The following PPEF1 variants were observed in gnomAD, a reference collection of about 807,000 sequenced individuals.
The protein encoded by PPEF1 is protein phosphatase with EF-hand domain 1.
A neutral mutation model predicts 53.3 loss-of-function variants in PPEF1; 12 were observed. The observed-to-expected ratio is 0.23, with a 90% CI of 0.14 to 0.36. PPEF1 has a LOEUF of 0.36. Among genes scored for constraint, PPEF1 ranks in the 10% least tolerant of loss-of-function variants. The pLI is 1.00. For synonymous variants in PPEF1, 165 were observed against 176.7 expected, an observed-to-expected ratio of 0.93 and a Z score of 0.52; for missense variants, 334 against 490.4, an observed-to-expected ratio of 0.68 and a Z score of 3.01.
At chrX:18,822,509 ATTTC>A (rs999082443) in intron 13 of PPEF1, among the ~76,000 whole-genome samples, 1 of 107,991 alleles carries the variant, frequency 9.3e-6, no homozygotes, top group South Asian at 4.0e-4. Context: ...GAGGTATGAG[ATTTC>A]TTTTTTTTTT....
intron 10 of PPEF1, among the ~76,000 whole-genome samples, chrX:18,799,804 A>G (rs2046513934): frequency 8.9e-6 from 1 of 111,870 alleles, no homozygotes; most frequent in South Asian, 3.7e-4. Context: ...GATCACCCCA[A>G]GGATCCTGCA....
At chrX:18,806,106 A>G (rs1200921229) in intron 11 of PPEF1, among the ~76,000 whole-genome samples, 1 of 111,335 alleles carries the variant, frequency 9.0e-6, no homozygotes, top group Non-Finnish European at 1.9e-5. Flanking sequence ...AGAATTTGCA[A>G]AATCAAACAT....
At chrX:18,707,622 C>T (rs1033146083), upstream of PPEF1, 4 of 428,918 alleles carry the variant, frequency 9.3e-6, no homozygotes, top group East Asian at 4.0e-5. Flanking sequence ...GGTTAACTGG[C>T]GGTTTCCTTC....
At chrX:18,743,263 T>G (rs2045227930) in intron 3 of PPEF1, among the ~76,000 whole-genome samples, 1 of 111,115 alleles carries the variant, frequency 9.0e-6, no homozygotes, top group East Asian at 2.8e-4. Context: ...ACAGGATGGT[T>G]GTAACAAGCT....
intron 3 of PPEF1, among the ~76,000 whole-genome samples, chrX:18,742,245 T>C (rs777026941): frequency 8.9e-6 from 1 of 112,235 alleles, no homozygotes; most frequent in South Asian, 3.7e-4. Context: ...TGTTTTCAGA[T>C]TGGTGATTTA....
chrX:18,745,103 T>TTATATAATTATATTATATATA (rs2045293438), intron 3 of PPEF1, among the ~76,000 whole-genome samples: 1 of 96,283 alleles, frequency 1.0e-5, no homozygotes, highest in African/African-American at 3.8e-5. Context: ...ATATTATATA[T>TTATATAATTATATTATATATA]TATATAATTA....
chrX:18,763,241 G>T (rs186451012), intron 6 of PPEF1, among the ~76,000 whole-genome samples: 3 of 111,621 alleles, frequency 2.7e-5, no homozygotes, highest in South Asian at 7.5e-4. Flanking sequence ...AATCATGGAG[G>T]TTTGCAGAGT....
At chrX:18,814,407 G>A (rs1486566425) in intron 12 of PPEF1, among the ~76,000 whole-genome samples, 1 of 112,024 alleles carries the variant, frequency 8.9e-6, no homozygotes, top group African/African-American at 3.2e-5. Context: ...AGCTCTTTGA[G>A]AAATCTCCAA....
intron 10 of PPEF1, among the ~76,000 whole-genome samples, chrX:18,795,241 C>T (rs758634164): frequency 5.4e-5 from 6 of 111,910 alleles, no homozygotes; most frequent in Non-Finnish European, 1.1e-4. Flanking sequence ...ACCTGGGAGG[C>T]GGAGGCTGCA....
At chrX:18,728,974 A>C (rs1398051116) in intron 1 of PPEF1, among the ~76,000 whole-genome samples, 2 of 112,246 alleles carry the variant, frequency 1.8e-5, no homozygotes, top group Non-Finnish European at 3.8e-5. Context: ...ACTGTATTTT[A>C]AATCTCATTA....
At chrX:18,777,521 T>A (rs752722632) in intron 6 of PPEF1, among the ~76,000 whole-genome samples, 68 of 110,677 alleles carry the variant, frequency 6.1e-4, no homozygotes, top group South Asian at 1.1e-3. Flanking sequence ...TTTTCTTTTC[T>A]TTTTTTTTCC....
At chrX:18,796,562 G>A (rs1273931182) in intron 10 of PPEF1, among the ~76,000 whole-genome samples, 2 of 112,155 alleles carry the variant, frequency 1.8e-5, no homozygotes. Flanking sequence ...ACCAAACAGT[G>A]TTAAATTTCT....
intron 6 of PPEF1, among the ~76,000 whole-genome samples, chrX:18,770,964 T>G (rs931574781): frequency 8.9e-6 from 1 of 112,689 alleles, no homozygotes; most frequent in African/African-American, 3.2e-5. Flanking sequence ...AACTTGGCTA[T>G]ACACTGCAGT....
chrX:18,718,027 C>T lies in PPEF1; in HGVS notation c.46+10201C>T, dbSNP rs534722842. On this transcript the variant is annotated intron_variant, in intron 1 of 15. Transcript: ENST00000470157. ...CTACCAATTCTTAGGTAATAGTCAC[C>T]GTTTGATATGATAATGTGTTGGCCT... Among the ~76,000 whole-genome samples the T allele has an allele frequency of 4.0e-4, 45 of 111,673 alleles. No homozygotes were observed. The Middle Eastern group carries it at 0.014, about 34-fold the overall frequency.
intron 10 of PPEF1, among the ~76,000 whole-genome samples, chrX:18,795,281 G>T (rs1437001181): frequency 8.9e-6 from 1 of 112,436 alleles, no homozygotes; most frequent in East Asian, 2.8e-4. Context: ...CTGCACTCCA[G>T]CCTGGGCGAC....
chrX:18,681,711 C>T (rs1034852104), upstream of PPEF1, among the ~76,000 whole-genome samples: 2 of 111,812 alleles, frequency 1.8e-5, no homozygotes, highest in Non-Finnish European at 3.8e-5. Flanking sequence ...CATGGTCCCC[C>T]GATAGACTTG....
chrX:18,786,969 C>T (rs190326114), intron 9 of PPEF1, among the ~76,000 whole-genome samples: 2 of 110,726 alleles, frequency 1.8e-5, no homozygotes, highest in African/African-American at 6.6e-5. Flanking sequence ...AGTTTCACCC[C>T]CTTCAGGGAT....
intron 3 of PPEF1, among the ~76,000 whole-genome samples, chrX:18,748,373 C>T (rs1416484245): frequency 8.9e-6 from 1 of 112,345 alleles, no homozygotes; most frequent in African/African-American, 3.2e-5. Flanking sequence ...AAAATGTATT[C>T]TGTCTATATC....
chrX:18,769,357 T>G (rs1296486392), intron 6 of PPEF1, among the ~76,000 whole-genome samples: 3 of 112,489 alleles, frequency 2.7e-5, no homozygotes, highest in African/African-American at 9.7e-5. Flanking sequence ...GCCCTGTTGC[T>G]TAATTAGAGT....
Sources: allele counts gnomAD v4.1 joint callset (sites outside exome capture counted in the v4.1 genomes callset), GRCh38; gene constraint gnomAD v4.1.1; transcripts MANE v1.5; gene names NCBI Gene and HGNC (gene_info 2026-07-23, HGNC 2026-07-21).